STK24: variants seen among roughly 807,000 people sequenced by gnomAD.
STK24 encodes serine/threonine-protein kinase 24.
Under a neutral mutation model 55.6 loss-of-function variants are expected in STK24, and 21 were observed. The ratio of observed to expected loss-of-function variants is 0.38; its 90% CI spans 0.27 to 0.54. STK24 has a LOEUF of 0.54. Ranked by LOEUF, STK24 falls within the 20% of genes least tolerant of loss-of-function variation. The probability of loss-of-function intolerance (pLI) is 0.79; values close to 1 mark genes in which losing one functional copy is unlikely to be tolerated. For synonymous variants in STK24, 200 were observed against 215.2 expected, an observed-to-expected ratio of 0.93 and a Z score of 0.62; for missense variants, 383 against 538.4, an observed-to-expected ratio of 0.71 and a Z score of 2.86.
At chr13:98,485,138 C>T (rs951461886) in intron 2 of STK24, among the ~76,000 whole-genome samples, 9 of 152,180 alleles carry the variant, frequency 5.9e-5, no homozygotes, top group East Asian at 1.9e-4. Context: ...TCACCTTGCC[C>T]GCTGCCTAGA....
At chr13:98,475,406 G>T in intron 3 of STK24, 48 bp from the exon 4 acceptor site, 1 of 1,352,966 alleles carries the variant, frequency 7.4e-7, no homozygotes, top group Non-Finnish European at 1.0e-6. Context: ...ATTATCTTAT[G>T]AAAAGTTTGA....
chr13:98,539,917 GTTCACAGCGACATGA>G (rs1896840193), intron 1 of STK24, among the ~76,000 whole-genome samples: 1 of 152,166 alleles, frequency 6.6e-6, no homozygotes, highest in Admixed American at 6.5e-5. Context: ...ACACACAGAT[GTTCACAGCGACATGA>G]TTCACAGTAA....
At chr13:98,499,480 A>C (rs1895367132) in intron 2 of STK24, among the ~76,000 whole-genome samples, 1 of 152,160 alleles carries the variant, frequency 6.6e-6, no homozygotes, top group African/African-American at 2.4e-5. Context: ...GTAACTTCTG[A>C]CTAATTCACT....
At position 98,466,905 on chromosome 13, in the gene STK24, G is replaced by A. The variant is rs561054517; in HGVS notation, c.598-344C>T. ...AGGAGTCCGGAGTGGGTGTACGCTCGCGAGTCACCCCCTCCAGCAGTGCTT... is the reference window on the plus strand; with the variant it reads ...AGGAGTCCGGAGTGGGTGTACGCTCACGAGTCACCCCCTCCAGCAGTGCTT... On this transcript the variant is annotated intron_variant, in intron 5 of 10. Coordinates refer to ENST00000539966, the MANE Select transcript of STK24 (RefSeq NM_001032296.4). Among the ~76,000 whole-genome samples the A allele has an allele frequency of 2.6e-5, 4 of 152,294 alleles. No homozygotes were observed. In the South Asian group the frequency reaches 6.2e-4, roughly 24 times the overall value.
In STK24 at chr13:98,446,290, T is replaced by C. The variant is rs1490359747; in HGVS notation, c.*6883A>G. ...GGGGGCCGCCCTCCTCTGGAATGAC[T>C]CAGGCCTCTTGGGCTCCAGGTGTCA... On this transcript the variant is annotated 3_prime_UTR_variant, in exon 11 of 11. Transcript: ENST00000539966. 2.3e-6 allele frequency: 2 copies of C among 852,072 alleles called. No homozygotes were observed. The highest frequency in any genetic ancestry group is 3.8e-6 in the Non-Finnish European group (2 of 521,624). The allele number at this position is 852,072 out of a possible 1,614,324, so 52.8% of individuals were successfully genotyped here.
At chr13:98,494,775 C>T (rs773258359) in intron 2 of STK24, among the ~76,000 whole-genome samples, 30 of 152,062 alleles carry the variant, frequency 2.0e-4, no homozygotes, top group Non-Finnish European at 4.0e-4. Context: ...GTTTGTTAGC[C>T]GAGAGCTACT....
At chr13:98,559,176 A>T (rs1472920542) in intron 1 of STK24, among the ~76,000 whole-genome samples, 1 of 152,062 alleles carries the variant, frequency 6.6e-6, no homozygotes, top group Non-Finnish European at 1.5e-5. Flanking sequence ...TCCGTCTCAA[A>T]AAAAAAGAAA....
Position 98,536,974 on chromosome 13 carries a change from C to T in STK24, c.43-17501G>A, listed in dbSNP as rs554051010. ...GTGTGCCCCCGACACTGGCCGGAGCCCGCCCCTCCCGGCTCATCTCCTTAC... is the reference window on the plus strand; with the variant it reads ...GTGTGCCCCCGACACTGGCCGGAGCTCGCCCCTCCCGGCTCATCTCCTTAC... On this transcript the variant is annotated intron_variant, in intron 1 of 10. Transcript: ENST00000539966. 4.6e-5 allele frequency among the ~76,000 whole-genome samples: 7 copies of T among 152,282 alleles called. No homozygotes were observed. The South Asian group carries it at 1.4e-3, about 32-fold the overall frequency.
chr13:98,543,416 G>A (rs571638941), intron 1 of STK24, among the ~76,000 whole-genome samples: 171 of 152,142 alleles, frequency 1.1e-3, no homozygotes, highest in African/African-American at 4.0e-3. Context: ...CCAAATTCCC[G>A]GTCTGCCCAA....
At chr13:98,562,071 A>C (rs536295768) in intron 1 of STK24, among the ~76,000 whole-genome samples, 6 of 152,086 alleles carry the variant, frequency 3.9e-5, no homozygotes, top group Non-Finnish European at 8.8e-5. Context: ...CATCATGAAA[A>C]CCATATGGAA....
intron 1 of STK24, among the ~76,000 whole-genome samples, chr13:98,529,588 T>A (rs377199210): frequency 6.6e-6 from 1 of 152,202 alleles, no homozygotes; most frequent in Non-Finnish European, 1.5e-5. Context: ...CCAAAGGTCA[T>A]ATACAGTATG....
Position 98,446,655 on chromosome 13 carries a change from C to T in STK24, c.*6518G>A. ...CCCGAAAAGCCACTTTGCTTTGTTT[C>T]CCCTTTCCAGGACAATCATCCCCTT... is the stretch of plus-strand genomic sequence containing the variant. On this transcript the variant is annotated 3_prime_UTR_variant, in exon 11 of 11. Coordinates refer to ENST00000539966, the MANE Select transcript of STK24 (RefSeq NM_001032296.4). The T allele has an allele frequency of 6.2e-7, 1 of 1,613,790 alleles. No individual in the cohort carries two copies. The highest frequency in any genetic ancestry group is 8.5e-7 in the Non-Finnish European group (1 of 1,179,792).
At chr13:98,557,956 T>G (rs1404603922) in intron 1 of STK24, among the ~76,000 whole-genome samples, 1 of 152,200 alleles carries the variant, frequency 6.6e-6, no homozygotes, top group Non-Finnish European at 1.5e-5. Flanking sequence ...AGAACAGAGC[T>G]CAGCCATTGT....
Position 98,560,644 on chromosome 13 carries a change from C to T in STK24, c.42+16101G>A, listed in dbSNP as rs187485505. On this transcript the variant is annotated intron_variant, in intron 1 of 10. Coordinates refer to ENST00000539966, the MANE Select transcript of STK24 (RefSeq NM_001032296.4). ...CTGTAATCCCAGCACTTTGGAAAGC[C>T]GACGTGGGTGGATCATTTGAGGTCA... Among the ~76,000 whole-genome samples the T allele has an allele frequency of 2.6e-4, 39 of 152,142 alleles. 1 individual carries two copies. Among genetic ancestry groups the T allele is most frequent in the African/African-American group, 9.4e-4 (39 of 41,504 alleles).
chr13:98,457,399 G>A lies in STK24; in HGVS notation c.1123-95C>T, dbSNP rs75029013. The A allele has an allele frequency of 3.3e-3, 5,191 of 1,560,186 alleles. 85 individuals are homozygous for A. Among genetic ancestry groups the A allele is most frequent in the East Asian group, 0.031 (1,322 of 42,858 alleles). On this transcript the variant is annotated intron_variant, in intron 9 of 10. Transcript: ENST00000539966. ...AGGAACAACACGGCGTGTGGACCACGACACTACCCCAGCCCCAGGGTGTCC... is the reference window on the plus strand; with the variant it reads ...AGGAACAACACGGCGTGTGGACCACAACACTACCCCAGCCCCAGGGTGTCC...
intron 1 of STK24, among the ~76,000 whole-genome samples, chr13:98,540,158 A>C (rs1268410566): frequency 6.6e-6 from 1 of 152,188 alleles, no homozygotes; most frequent in Non-Finnish European, 1.5e-5. Context: ...TGTCCAGAAA[A>C]GGCAAATTTA....
intron 7 of STK24, among the ~76,000 whole-genome samples, chr13:98,462,742 G>A (rs775492184): frequency 4.1e-4 from 63 of 152,088 alleles, no homozygotes; most frequent in Non-Finnish European, 7.4e-4. Flanking sequence ...CACACTGGAC[G>A]TCTCTCCTGG....
chr13:98,453,649 G>T lies in STK24; in HGVS notation c.1260-440C>A, dbSNP rs147966410. On this transcript the variant is annotated intron_variant, in intron 10 of 10. Transcript: ENST00000539966. ...GAATCTATTTCCTAGAACTGCTTCC[G>T]AAATATGGTCCAAAGCAGGAACAAC... 731 of 155,310 alleles carry T rather than the reference G, an allele frequency of 4.7e-3. 20 individuals carry two copies. Among genetic ancestry groups the T allele is most frequent in the Non-Finnish European group, 8.2e-4 (58 of 70,392 alleles). The allele number at this position is 155,310 out of a possible 1,614,324, so 9.6% of individuals were successfully genotyped here.
intron 2 of STK24, among the ~76,000 whole-genome samples, chr13:98,518,723 T>A (rs562957565): frequency 1.2e-3 from 185 of 152,364 alleles, no homozygotes; most frequent in African/African-American, 4.4e-3. Flanking sequence ...TTGTGTCATA[T>A]TATTATAACT....
Sources: allele counts gnomAD v4.1 joint callset (sites outside exome capture counted in the v4.1 genomes callset), GRCh38; gene constraint gnomAD v4.1.1; transcripts MANE v1.5; gene names NCBI Gene and HGNC (gene_info 2026-07-23, HGNC 2026-07-21).